Variants in RERG observed in about 807,000 individuals in gnomAD.
The protein encoded by RERG is ras-related and estrogen-regulated growth inhibitor.
RERG carries 25 observed loss-of-function variants against 23.2 expected under a neutral mutation model. The observed-to-expected ratio is 1.08, with a 90% CI of 0.79 to 1.50. The LOEUF is 1.50. RERG is among the 40% of genes most tolerant of loss of function. The pLI is 0.00. For missense variants in RERG, 253 were observed against 250.1 expected, an observed-to-expected ratio of 1.01 and a Z score of -0.08; for synonymous variants, 81 against 89.1, an observed-to-expected ratio of 0.91 and a Z score of 0.51.
At chr12:15,164,920 G>T (rs1409489553) in intron 2 of RERG, among the ~76,000 whole-genome samples, 2 of 152,180 alleles carry the variant, frequency 1.3e-5, no homozygotes, top group Non-Finnish European at 2.9e-5. Flanking sequence ...TCTTCATTAA[G>T]CCAGGGTGCC....
intron 2 of RERG, among the ~76,000 whole-genome samples, chr12:15,174,783 T>C (rs1476170126): frequency 6.6e-6 from 1 of 152,128 alleles, no homozygotes; most frequent in Non-Finnish European, 1.5e-5. Context: ...TTAATACTTT[T>C]CAATACCAGA....
intron 2 of RERG, among the ~76,000 whole-genome samples, chr12:15,195,584 T>C (rs1865133273): frequency 6.6e-6 from 1 of 151,398 alleles, no homozygotes; most frequent in Admixed American, 6.6e-5. Flanking sequence ...TGTGTGTGTG[T>C]GTGTGTGTGT....
chr12:15,141,275 C>T (rs554809428), intron 2 of RERG, among the ~76,000 whole-genome samples: 17 of 152,044 alleles, frequency 1.1e-4, no homozygotes, highest in African/African-American at 3.4e-4. Flanking sequence ...CCTGCCTCAG[C>T]CTCCTGAGTA....
rs71042238 is a variant in RERG, at chr12:15,195,551, CTGTGTGTGTG to C, written c.61+21868_61+21877del. Among the ~76,000 whole-genome samples, 513 of 128,320 alleles carry C rather than the reference CTGTGTGTGTG, an allele frequency of 4.0e-3. 4 individuals are homozygous for C. The highest frequency in any genetic ancestry group is 8.1e-3 in the Middle Eastern group (2 of 246). 84.2% of individuals were successfully genotyped at this position (128,320 alleles called of 152,430 possible). On this transcript the variant is annotated intron_variant, in intron 2 of 4. Transcript: ENST00000256953. ...ACTTCTTAAGGCACAGCAAGCTTGG[CTGTGTGTGTG>C]TGTGTGTGTGTGTGTGTGTGTGTGT... is the stretch of plus-strand genomic sequence containing the variant.
chr12:15,188,700 G>A (rs1219697255), intron 2 of RERG, among the ~76,000 whole-genome samples: 1 of 152,176 alleles, frequency 6.6e-6, no homozygotes, highest in African/African-American at 2.4e-5. Flanking sequence ...TATTAAAATT[G>A]TATTTAGCAT....
chr12:15,127,289 T>C (rs1591638245), intron 2 of RERG, among the ~76,000 whole-genome samples: 1 of 152,344 alleles, frequency 6.6e-6, no homozygotes, highest in Non-Finnish European at 1.5e-5. Context: ...GCCCAATAGG[T>C]ATTTGAGAAA....
At chr12:15,112,363 G>A (rs1863636541) in intron 3 of RERG, 1 of 152,302 alleles carries the variant, frequency 6.6e-6, no homozygotes, top group African/African-American at 2.4e-5. Flanking sequence ...AGGGGAGGTG[G>A]AACTATATGG....
chr12:15,214,624 T>C (rs1022368239), intron 2 of RERG, among the ~76,000 whole-genome samples: 9 of 152,346 alleles, frequency 5.9e-5, no homozygotes, highest in African/African-American at 2.2e-4. Flanking sequence ...AGACATCAAA[T>C]AGCCATATTC....
At chr12:15,111,154 G>T in intron 4 of RERG, 190 bp downstream of exon 4, 1 of 469,570 alleles carries the variant, frequency 2.1e-6, no homozygotes. Flanking sequence ...GAAACACTGG[G>T]CAGTTTATAT....
chr12:15,192,154 C>A (rs560262490), intron 2 of RERG, among the ~76,000 whole-genome samples: 1 of 152,078 alleles, frequency 6.6e-6, no homozygotes, highest in African/African-American at 2.4e-5. Context: ...GCTGGCCTCG[C>A]GATAGTAAGT....
intron 2 of RERG, among the ~76,000 whole-genome samples, chr12:15,132,423 A>T (rs11056363): frequency 6.6e-6 from 1 of 152,162 alleles, no homozygotes; most frequent in East Asian, 1.9e-4. Flanking sequence ...GATATACCAC[A>T]GTTTGCTTAC....
At chr12:15,152,364 G>A (rs139660430) in intron 2 of RERG, among the ~76,000 whole-genome samples, 3 of 152,302 alleles carry the variant, frequency 2.0e-5, no homozygotes, top group African/African-American at 7.2e-5. Flanking sequence ...CCCATCTGCT[G>A]TAATAGGTGA....
chr12:15,154,163 G>C (rs1036712047), intron 2 of RERG: 10 of 152,190 alleles, frequency 6.6e-5, no homozygotes, highest in Admixed American at 5.9e-4. Context: ...CCCAGCTTGT[G>C]GTACTTTGTT....
chr12:15,176,203 T>C (rs909542277), intron 2 of RERG, among the ~76,000 whole-genome samples: 1 of 152,212 alleles, frequency 6.6e-6, no homozygotes, highest in African/African-American at 2.4e-5. Context: ...TTGAAGATTT[T>C]TGTGCATTAT....
intron 2 of RERG, among the ~76,000 whole-genome samples, chr12:15,147,110 A>T (rs1310517365): frequency 6.6e-6 from 1 of 152,170 alleles, no homozygotes; most frequent in Admixed American, 6.5e-5. Context: ...ATTTCAGTTA[A>T]GCCTGGAGTA....
intron 2 of RERG, among the ~76,000 whole-genome samples, chr12:15,138,651 G>T (rs1864182947): frequency 6.6e-6 from 1 of 151,782 alleles, no homozygotes; most frequent in South Asian, 2.1e-4. Context: ...TTTTAAATTA[G>T]TTTATTTTTT....
At chr12:15,157,580 G>C (rs1249974669) in intron 2 of RERG, among the ~76,000 whole-genome samples, 1 of 152,106 alleles carries the variant, frequency 6.6e-6, no homozygotes, top group Non-Finnish European at 1.5e-5. Context: ...CACTCTTTTT[G>C]GTTCCCACAT....
chr12:15,147,461 A>G (rs1029178391), intron 2 of RERG, among the ~76,000 whole-genome samples: 3 of 152,244 alleles, frequency 2.0e-5, no homozygotes, highest in African/African-American at 7.2e-5. Flanking sequence ...AACTGGAATC[A>G]CTTTCTAACT....
At chr12:15,217,240 T>C (rs961895637) in intron 2 of RERG, 189 bp downstream of exon 2, 15 of 548,842 alleles carry the variant, frequency 2.7e-5, no homozygotes, top group African/African-American at 3.8e-5. Flanking sequence ...TCAGCATAAA[T>C]AAGCAAAAGG....
Sources: allele counts gnomAD v4.1 joint callset (sites outside exome capture counted in the v4.1 genomes callset), GRCh38; gene constraint gnomAD v4.1.1; transcripts MANE v1.5; gene names NCBI Gene and HGNC (gene_info 2026-07-23, HGNC 2026-07-21).